Variants in PLA2R1 observed in about 807,000 individuals in gnomAD.
PLA2R1 encodes the protein phospholipase A2 receptor 1.
In PLA2R1, 158 loss-of-function variants were observed where a neutral mutation model predicts 195.9. That is an observed-to-expected ratio of 0.81 (90% CI 0.71 to 0.92). The LOEUF (loss-of-function observed/expected upper bound fraction) is 0.92. Among genes scored for constraint, PLA2R1 ranks in the 40% least tolerant of loss-of-function variants. The pLI, the probability that PLA2R1 is intolerant of heterozygous loss-of-function variation, is 0.00. For missense variants in PLA2R1, 1,626 were observed against 1,764.6 expected, an observed-to-expected ratio of 0.92 and a Z score of 1.41; for synonymous variants, 586 against 598.2, an observed-to-expected ratio of 0.98 and a Z score of 0.30.
chr2:159,946,815 T>C lies in PLA2R1; in HGVS notation c.3953A>G (p.Gln1318Arg), dbSNP rs367569130. Reference protein sequence around the residue: ...SSVQMVWLNAQFDGNNETIKW... With the variant: ...SSVQMVWLNARFDGNNETIKW... ...AAATCACTTACTGTTACCATCAAAT[T>C]GAGCATTCAACCAAACCATCTGGAC... The change falls in exon 27 of 30, where the codon CAA becomes CGA. Residue 1318 changes from glutamine (Q) to arginine (R), a missense_variant. Gln to Arg is a conservative substitution (Grantham distance 43, BLOSUM62 1). Transcript: ENST00000283243. The C allele has an allele frequency of 1.9e-6, 3 of 1,607,418 alleles. No homozygotes were observed. The highest frequency in any genetic ancestry group is 2.5e-6 in the Non-Finnish European group (3 of 1,178,032).
Position 159,945,073 on chromosome 2 carries a change from A to G in PLA2R1, c.3977T>C (p.Ile1326Thr), listed in dbSNP as rs376484492. 30 of 1,608,644 alleles carry G rather than the reference A, an allele frequency of 1.9e-5. No individual in the cohort carries two copies. The highest frequency in any genetic ancestry group is 2.4e-5 in the Non-Finnish European group (28 of 1,176,724). Residue 1326 changes from isoleucine (I) to threonine (T), a missense_variant, in exon 28 of 30, where the codon ATA (isoleucine) becomes ACA (threonine). Coordinates refer to ENST00000283243, the MANE Select transcript of PLA2R1 (RefSeq NM_007366.5). ...NAQFDGNNET[I>T]KWFDGTPTDQ... is the part of the protein sequence containing the mutation. ...TGTGGGAGTTCCATCAAACCACTTT[A>G]TGGTTTCATCTGTGAGAAAATTGCT...
chr2:160,013,308 G>C lies in PLA2R1; in HGVS notation c.1619C>G (p.Ser540Cys). ...TGCAGGAGGACAGTAATAACCGCTG[G>C]AAGCTTGGTCAAAGCTTCGAAGGAC... ...DTVLRSFDQA[S>C]SGYYCPPALV... Residue 540 changes from serine (S) to cysteine (C), a missense_variant, in exon 10 of 30, where the codon TCC becomes TGC. Physicochemically the swap from Ser to Cys is moderately radical, Grantham distance 112. Transcript: ENST00000283243. The C allele has an allele frequency of 6.2e-7, 1 of 1,611,454 alleles. No individual in the cohort carries two copies. Among genetic ancestry groups the C allele is most frequent in the Non-Finnish European group, 8.5e-7 (1 of 1,177,824 alleles).
chr2:160,004,129 T>C (rs1222831111), intron 11 of PLA2R1, among the ~76,000 whole-genome samples: 3 of 152,216 alleles, frequency 2.0e-5, no homozygotes, highest in South Asian at 4.1e-4. Flanking sequence ...AAGAGAAAGA[T>C]GTAACGGAGT....
Position 160,028,348 on chromosome 2 carries a change from C to T in PLA2R1, c.969G>A (p.Glu323=). The T allele has an allele frequency of 6.2e-7, 1 of 1,607,724 alleles. No individual in the cohort carries two copies. The highest frequency in any genetic ancestry group is 8.5e-7 in the Non-Finnish European group (1 of 1,176,074). Residue 323 remains glutamate, a synonymous_variant, in exon 6 of 30, where the codon GAG becomes GAA. Transcript: ENST00000283243. The stretch of plus-strand genomic sequence containing the variant: ...TTCCACAGTGATCTTCAACAAATGG[C>T]TCAAAATTTACCTCTGAAAATACAA... ...YLNWSPEVNF[E]PFVEDHCGTF... is the part of the protein sequence containing the mutation.
Position 159,984,047 on chromosome 2 carries a change from C to T in PLA2R1, c.2064G>A (p.Met688Ile), listed in dbSNP as rs575282990. The change falls in exon 13 of 30, where the codon ATG becomes ATA. Residue 688 changes from methionine (M) to isoleucine (I), a missense_variant. Met to Ile is a conservative substitution (Grantham distance 10). Coordinates refer to ENST00000283243, the MANE Select transcript of PLA2R1 (RefSeq NM_007366.5). ...CTTCAGCTTCTCTCCATGTTCTTTTCATCAGAACTTTTTCACTATGAAATA... is the reference window on the plus strand; with the variant it reads ...CTTCAGCTTCTCTCCATGTTCTTTTTATCAGAACTTTTTCACTATGAAATA... ...FKVFHSEKVL[M>I]KRTWREAEAF... is the part of the protein sequence containing the mutation. The T allele has an allele frequency of 1.9e-6, 3 of 1,575,414 alleles. No individual in the cohort carries two copies. The highest frequency in any genetic ancestry group is 1.3e-5 in the African/African-American group (1 of 74,170).
chr2:160,019,451 G>A (rs1163825660), intron 8 of PLA2R1, among the ~76,000 whole-genome samples: 1 of 152,120 alleles, frequency 6.6e-6, no homozygotes, highest in Non-Finnish European at 1.5e-5. Flanking sequence ...AAGCACACTT[G>A]GATCTGTCCA....
At chr2:160,045,194 A>C (rs1694782852) in intron 1 of PLA2R1, 37 bp from the exon 2 acceptor site, 1 of 1,500,182 alleles carries the variant, frequency 6.7e-7, no homozygotes, top group African/African-American at 1.4e-5. Context: ...TGAAATTTTC[A>C]TATATAATTA....
At chr2:159,958,305 T>C (rs761814370) in intron 20 of PLA2R1, among the ~76,000 whole-genome samples, 29 of 152,066 alleles carry the variant, frequency 1.9e-4, no homozygotes, top group Non-Finnish European at 3.4e-4. Context: ...TTCCCTGTTA[T>C]CTTCTGCCAT....
Position 159,941,578 on chromosome 2 carries a change from T to A in PLA2R1, c.*200A>T. The A allele has an allele frequency of 2.3e-6, 1 of 442,242 alleles. No homozygotes were observed. The highest frequency in any genetic ancestry group is 3.5e-5 in the East Asian group (1 of 28,668). 27.4% of individuals were successfully genotyped at this position (442,242 alleles called of 1,614,324 possible). On this transcript the variant is annotated 3_prime_UTR_variant, in exon 30 of 30. Transcript: ENST00000283243. Reference sequence around the variant, plus strand: ...ATAATTTACCCCTTTTAAGAATGGATCACAGTTTAGGGAAATGAATAAATC... The same window carrying A: ...ATAATTTACCCCTTTTAAGAATGGAACACAGTTTAGGGAAATGAATAAATC...
chr2:160,025,588 C>CAAAAAAAAAAA (rs56365741), intron 6 of PLA2R1, among the ~76,000 whole-genome samples: 37 of 52,852 alleles, frequency 7.0e-4, no homozygotes, highest in East Asian at 1.9e-3. Flanking sequence ...AACCATAAAG[C>CAAAAAAAAAAA]AAAAAAAAAA....
chr2:160,049,683 G>A (rs72976480), intron 1 of PLA2R1, among the ~76,000 whole-genome samples: 23,137 of 151,998 alleles, frequency 0.15, 2,183 homozygotes, highest in East Asian at 0.36. Context: ...AAAATTAGCT[G>A]GGCGTGGTGG....
Position 160,062,290 on chromosome 2 carries a change from C to A in PLA2R1, c.109+5G>T. On this transcript the variant is annotated splice_donor_5th_base_variant and intron_variant, in intron 1 of 29. Transcript: ENST00000283243. ...CGATCCAGTCCCCGACCCTGGGAGA[C>A]TCACCCTGCCACTCCAGGAGCCGCT... is the stretch of plus-strand genomic sequence containing the variant. The A allele has an allele frequency of 6.8e-7, 1 of 1,477,316 alleles. No homozygotes were observed. The allele number at this position is 1,477,316 out of a possible 1,614,324, so 91.5% of individuals were successfully genotyped here.
chr2:160,053,655 G>T (rs190104566), intron 1 of PLA2R1, among the ~76,000 whole-genome samples: 3 of 152,342 alleles, frequency 2.0e-5, no homozygotes, highest in African/African-American at 7.2e-5. Context: ...AATGCTACAA[G>T]GCATCCACTC....
rs769435394 is a variant in PLA2R1 at position 159,983,909 on chromosome 2, A to G, written c.2183+19T>C. On this transcript the variant is annotated intron_variant, in intron 13 of 29. Transcript: ENST00000283243. The stretch of plus-strand genomic sequence containing the variant: ...ATAGAATATTTGACTGTAATTTTTC[A>G]TAATTAACAAGTATTTACCAATTAA... The G allele has an allele frequency of 5.8e-6, 8 of 1,390,586 alleles. No individual in the cohort carries two copies. Among genetic ancestry groups the G allele is most frequent in the African/African-American group, 1.4e-5 (1 of 70,060 alleles). 86.1% of individuals were successfully genotyped at this position (1,390,586 alleles called of 1,614,324 possible).
chr2:160,043,394 GC>G (rs1694670511), intron 2 of PLA2R1, among the ~76,000 whole-genome samples: 1 of 152,112 alleles, frequency 6.6e-6, no homozygotes, highest in South Asian at 2.1e-4. Flanking sequence ...GCAATACTCG[GC>G]CATTCTTGGC....
At chr2:159,994,150 A>T (rs1691043409) in intron 11 of PLA2R1, among the ~76,000 whole-genome samples, 1 of 152,150 alleles carries the variant, frequency 6.6e-6, no homozygotes, top group South Asian at 2.1e-4. Flanking sequence ...CTTTCAAAAA[A>T]AAAAATAAAA....
At chr2:159,963,631 T>C (rs185540706) in intron 20 of PLA2R1, among the ~76,000 whole-genome samples, 83 of 152,276 alleles carry the variant, frequency 5.5e-4, no homozygotes, top group African/African-American at 1.9e-3. Context: ...AACAAGCACA[T>C]GAAACGATGC....
chr2:160,011,476 A>G (rs1045843399), intron 10 of PLA2R1, among the ~76,000 whole-genome samples: 1 of 152,204 alleles, frequency 6.6e-6, no homozygotes, highest in Non-Finnish European at 1.5e-5. Flanking sequence ...AAATTTTCTA[A>G]TAAACTCTTG....
At chr2:160,043,147 T>C (rs562624364) in intron 2 of PLA2R1, among the ~76,000 whole-genome samples, 1 of 152,208 alleles carries the variant, frequency 6.6e-6, no homozygotes, top group South Asian at 2.1e-4. Flanking sequence ...CTCCCCGCCA[T>C]ACTGCGGGCT....
Sources: allele counts gnomAD v4.1 joint callset (sites outside exome capture counted in the v4.1 genomes callset), GRCh38; gene constraint gnomAD v4.1.1; transcripts MANE v1.5; gene names NCBI Gene and HGNC (gene_info 2026-07-23, HGNC 2026-07-21).